Variants in XRCC3 observed in about 807,000 individuals in gnomAD.
The protein encoded by XRCC3 is X-ray repair cross complementing 3, also known as DNA repair protein XRCC3.
A neutral mutation model predicts 29.2 loss-of-function variants in XRCC3; 34 were observed. The ratio of observed to expected loss-of-function variants is 1.16; its 90% CI spans 0.88 to 1.55. The LOEUF (loss-of-function observed/expected upper bound fraction) is 1.55. XRCC3 is among the 40% of genes most tolerant of loss of function. The pLI, the probability that XRCC3 is intolerant of heterozygous loss-of-function variation, is 0.00. For synonymous variants in XRCC3, 223 were observed against 211.3 expected (o/e 1.06, Z -0.48); for missense variants, 463 against 467.6 (o/e 0.99, Z 0.09).
intron 7 of XRCC3, chr14:103,700,674 CTT>C (rs1366681975): frequency 6.2e-7 from 1 of 1,607,640 alleles, no homozygotes; most frequent in African/African-American, 1.3e-5. Context: ...GGCCGAGCCT[CTT>C]TTTGTGGAAA....
At chr14:103,699,622 C>A (rs1451276389) in intron 7 of XRCC3, 46 bp from the exon 8 acceptor site, 1 of 1,595,500 alleles carries the variant, frequency 6.3e-7, no homozygotes. Flanking sequence ...CAAGTCCCCG[C>A]CCCAGGTGAC....
chr14:103,703,255 C>T lies in XRCC3; in HGVS notation c.479G>A (p.Arg160Gln), dbSNP rs546280840. ...RLQQLMAQQP[R>Q]LRTDVPGELL... is the part of the protein sequence containing the mutation. ...CTCTCCTGGAACGTCAGTGCGCAGC[C>T]GCGGCTGCTGGGCCATGAGCTGCTG... Residue 160 changes from arginine (R) to glutamine (Q), a missense_variant, in exon 7 of 10, where the codon CGG becomes CAG. Arg to Gln is a conservative substitution (Grantham distance 43, BLOSUM62 1). Transcript: ENST00000555055. The T allele has an allele frequency of 2.6e-5, 41 of 1,561,694 alleles. No individual in the cohort carries two copies. Among genetic ancestry groups the T allele is most frequent in the East Asian group, 9.6e-5 (4 of 41,880 alleles).
intron 4 of XRCC3, chr14:103,709,032 G>C (rs1271826348): frequency 1.4e-5 from 5 of 354,350 alleles, no homozygotes; most frequent in Admixed American, 7.8e-5. Context: ...GCTCCAGAAG[G>C]GGGCAGGAAA....
At chr14:103,715,047 C>T (rs1273027886) in intron 1 of XRCC3, among the ~76,000 whole-genome samples, 1 of 152,212 alleles carries the variant, frequency 6.6e-6, no homozygotes, top group Admixed American at 6.5e-5. Context: ...CACTTCGATG[C>T]GAAGCCAGCG....
intron 8 of XRCC3, 37 bp downstream of exon 8, chr14:103,699,327 T>C: frequency 6.4e-7 from 1 of 1,564,940 alleles, no homozygotes; most frequent in South Asian, 1.2e-5. Context: ...TGGCTAAAAA[T>C]ACGAGCTCAG....
intron 5 of XRCC3, 43 bp downstream of exon 5, chr14:103,708,479 G>A (rs1254822145): frequency 1.2e-6 from 2 of 1,611,908 alleles, no homozygotes; most frequent in Non-Finnish European, 1.7e-6. Flanking sequence ...CATGATGCTG[G>A]AGCCACATGT....
chr14:103,706,527 G>A, intron 6 of XRCC3: 1 of 409,754 alleles, frequency 2.4e-6, no homozygotes, highest in Non-Finnish European at 4.9e-6. Context: ...GACCCAGGCA[G>A]GCATGCTCTG....
At chr14:103,710,797 T>C in intron 4 of XRCC3, 4 of 548,520 alleles carry the variant, frequency 7.3e-6, no homozygotes, top group Non-Finnish European at 6.5e-6. Context: ...TTAGACAATA[T>C]GCATGTATTA....
intron 5 of XRCC3, chr14:103,707,622 A>C (rs537106226): frequency 2.1e-5 from 7 of 330,750 alleles, no homozygotes; most frequent in South Asian, 2.0e-4. Context: ...GGGCTCCCGC[A>C]GGCGCGCACA....
At chr14:103,706,965 C>T (rs775813507) in intron 6 of XRCC3, 38 bp downstream of exon 6, 79 of 1,534,192 alleles carry the variant, frequency 5.1e-5, no homozygotes, top group Admixed American at 7.8e-5. Context: ...CAGGGGCCGC[C>T]CACCTGCCCA....
At chr14:103,706,479 TCA>T in intron 6 of XRCC3, 3 of 443,364 alleles carry the variant, frequency 6.8e-6, no homozygotes, top group East Asian at 1.4e-4. Context: ...TCCTCACAGC[TCA>T]CAGTTTAAAA....
intron 6 of XRCC3, chr14:103,703,620 C>G (rs1268792053): frequency 2.9e-5 from 13 of 452,992 alleles, no homozygotes; most frequent in Non-Finnish European, 5.3e-5. Context: ...AGATGGGAGG[C>G]CTCTCCTGCT....
At position 103,706,366 on chromosome 14, in the gene XRCC3, T is replaced by C. The variant is rs540895125; in HGVS notation, c.406+637A>G. On this transcript the variant is annotated intron_variant, in intron 6 of 9. Coordinates refer to ENST00000555055, the MANE Select transcript of XRCC3 (RefSeq NM_005432.4). ...CTCGGAGGTGCCACCGATGAAAAAA[T>C]ACTGCCACTCTGTTCACGTGGAGTT... 1.9e-3 allele frequency: 847 copies of C among 455,950 alleles called. 3 individuals are homozygous for C. The highest frequency in any genetic ancestry group is 8.9e-4 in the Non-Finnish European group (201 of 226,800). The allele number at this position is 455,950 out of a possible 1,614,324, so 28.2% of individuals were successfully genotyped here. A position where few individuals can be genotyped will look rare whatever the true frequency, so the allele number is the denominator to read the frequency against.
intron 6 of XRCC3, chr14:103,705,234 T>C (rs1047281523): frequency 6.6e-6 from 1 of 152,282 alleles, no homozygotes; most frequent in East Asian, 1.9e-4. Context: ...ACTGTGCCCC[T>C]AGTCAGGAGC....
intron 7 of XRCC3, chr14:103,700,266 A>G (rs778053905): frequency 8.7e-5 from 19 of 218,806 alleles, no homozygotes; most frequent in Non-Finnish European, 1.5e-4. Context: ...CAAGGGGTGG[A>G]AACAGCCCTG....
chr14:103,715,048 G>A (rs549705812), intron 1 of XRCC3, among the ~76,000 whole-genome samples: 130 of 152,338 alleles, frequency 8.5e-4, no homozygotes, highest in African/African-American at 3.0e-3. Context: ...ACTTCGATGC[G>A]AAGCCAGCGC....
chr14:103,698,935 G>C lies in XRCC3; in HGVS notation c.904C>G (p.Arg302Gly). 6.2e-7 allele frequency: 1 copy of C among 1,600,684 alleles called. No individual in the cohort carries two copies. Reference protein sequence around the residue: ...LLVRLLADRLREEEAALGCPA... With the variant: ...LLVRLLADRLGEEEAALGCPA... ...CAGCCGAGGGCAGCCTCTTCCTCGC[G>C]GAGCCGGTCAGCCAGCAGTCTCACC... The change falls in exon 10 of 10, where the codon CGC (arginine) becomes GGC (glycine). Residue 302 changes from arginine (R) to glycine (G), a missense_variant. Transcript: ENST00000555055.
At position 103,708,781 on chromosome 14, in the gene XRCC3, A is replaced by G. The variant is rs2083529593; in HGVS notation, c.56-122T>C. The G allele has an allele frequency of 2.2e-6, 3 of 1,335,620 alleles. No homozygotes were observed. In the African/African-American group the frequency reaches 4.4e-5, roughly 19 times the overall value. 82.7% of individuals were successfully genotyped at this position (1,335,620 alleles called of 1,614,324 possible). ...CACCGTGCTTCCGATTCTGGGGACA[A>G]GGTGGGTAGGGACCGGATCCCCTGC... is the stretch of plus-strand genomic sequence containing the variant. On this transcript the variant is annotated intron_variant, in intron 4 of 9. Transcript: ENST00000555055.
chr14:103,708,016 AG>A (rs2083497561), intron 5 of XRCC3: 1 of 224,030 alleles, frequency 4.5e-6, no homozygotes, highest in East Asian at 1.1e-4. Context: ...AGCCACCTGC[AG>A]GGGAGAGAGG....
Sources: allele counts gnomAD v4.1 joint callset (sites outside exome capture counted in the v4.1 genomes callset), GRCh38; gene constraint gnomAD v4.1.1; transcripts MANE v1.5; gene names NCBI Gene and HGNC (gene_info 2026-07-23, HGNC 2026-07-21).